The following ZFHX3 variants were observed in gnomAD, a reference collection of about 807,000 sequenced individuals.
ZFHX3 encodes zinc finger homeobox protein 3.
ZFHX3 carries 42 observed loss-of-function variants against 279.1 expected under a neutral mutation model. The observed-to-expected ratio is 0.15, with a 90% CI of 0.12 to 0.19. The LOEUF is 0.19. Among genes scored for constraint, ZFHX3 ranks in the 10% least tolerant of loss-of-function variants. The pLI is 1.00. For missense variants in ZFHX3, 4,981 were observed against 4,754.0 expected (o/e 1.05, Z -1.40); for synonymous variants, 2,293 against 1,957.8 (o/e 1.17, Z -4.52).
At chr16:73,621,235 C>G (rs958653188) in intron 2 of ZFHX3, among the ~76,000 whole-genome samples, 1 of 152,192 alleles carries the variant, frequency 6.6e-6, no homozygotes, top group African/African-American at 2.4e-5. Context: ...CCTTCCGCAG[C>G]GTTACCTACG....
chr16:73,161,097 C>T (rs1222102212), intron 5 of ZFHX3, among the ~76,000 whole-genome samples: 2 of 152,072 alleles, frequency 1.3e-5, no homozygotes, highest in African/African-American at 2.4e-5. Flanking sequence ...CTCAGCCTCC[C>T]GAGTAGCTGG....
In ZFHX3 at chr16:72,788,035, G is replaced by T. The variant is rs1202001465; in HGVS notation, c.10241C>A (p.Pro3414His). 6.2e-7 allele frequency: 1 copy of T among 1,613,038 alleles called. No individual in the cohort carries two copies. The change falls in exon 10 of 10, where the codon CCT becomes CAT. Residue 3414 changes from proline to histidine, a missense_variant. Around this residue, in one of 7 missense-constraint regions of ZFHX3, gnomAD observed 1,034 missense variants for 786.0 expected, o/e 1.32. Transcript: ENST00000268489. ...TTCTGGTTTGGGGGATTCTTTGGCA[G>T]GGTCTTTGTCTGGGGAAGGAGCCCC... The part of the protein sequence containing the change: ...PPGAPSPDKD[P>H]AKESPKPEEQ...
At chr16:73,409,279 T>C (rs7205540) in intron 3 of ZFHX3, among the ~76,000 whole-genome samples, 5,988 of 152,238 alleles carry the variant, frequency 0.039, 246 homozygotes, top group African/African-American at 0.1. Flanking sequence ...AGAAGAGATA[T>C]CCTGGCTGAG....
At chr16:73,427,002 C>T (rs191271154) in intron 3 of ZFHX3, among the ~76,000 whole-genome samples, 111 of 152,214 alleles carry the variant, frequency 7.3e-4, no homozygotes, top group Non-Finnish European at 1.2e-3. Context: ...GCTACCCTGA[C>T]GATGCCATTT....
chr16:73,114,019 A>G (rs1454019758), intron 7 of ZFHX3, among the ~76,000 whole-genome samples: 6 of 151,818 alleles, frequency 4.0e-5, no homozygotes, highest in African/African-American at 1.5e-4. Context: ...GATGGTCTCC[A>G]TCTCCTGACC....
At chr16:73,109,559 TTTTTTTGTTTAAAAATTTTCC>T (rs1168222372) in intron 7 of ZFHX3, among the ~76,000 whole-genome samples, 8 of 103,252 alleles carry the variant, frequency 7.7e-5, no homozygotes, top group Non-Finnish European at 1.8e-4. Flanking sequence ...CATTCCGTAT[TTTTTTTGTTTAAAAATTTTCC>T]GGTGCAGTGC....
chr16:73,289,085 T>C (rs2014704711), intron 4 of ZFHX3, among the ~76,000 whole-genome samples: 1 of 150,970 alleles, frequency 6.6e-6, no homozygotes, highest in Non-Finnish European at 1.5e-5. Flanking sequence ...AAGCAGAAAG[T>C]GTATGAACTG....
chr16:73,420,553 C>T (rs887810413), intron 3 of ZFHX3: 1 of 152,206 alleles, frequency 6.6e-6, no homozygotes, highest in East Asian at 1.9e-4. Flanking sequence ...AAACAAAGCG[C>T]ATATTGCCAA....
At chr16:73,580,133 C>T (rs1040043294) in intron 2 of ZFHX3, among the ~76,000 whole-genome samples, 9 of 151,464 alleles carry the variant, frequency 5.9e-5, no homozygotes, top group African/African-American at 2.2e-4. Flanking sequence ...AAATAGTGAT[C>T]ATATAATTTT....
At chr16:72,991,034 G>A (rs1963069542) in intron 1 of ZFHX3, among the ~76,000 whole-genome samples, 1 of 151,378 alleles carries the variant, frequency 6.6e-6, no homozygotes, top group Admixed American at 6.6e-5. Flanking sequence ...TGACAAAGAA[G>A]TCCTATACAC....
intron 7 of ZFHX3, among the ~76,000 whole-genome samples, chr16:72,802,587 G>C (rs1388614262): frequency 1.3e-5 from 2 of 152,138 alleles, no homozygotes; most frequent in South Asian, 2.1e-4. Flanking sequence ...ATGAAATTTT[G>C]ATGGGCAAGA....
chr16:72,875,436 C>G (rs1034977399), intron 4 of ZFHX3, among the ~76,000 whole-genome samples: 2 of 152,192 alleles, frequency 1.3e-5, no homozygotes, highest in African/African-American at 2.4e-5. Context: ...CCCCGGGAAT[C>G]CCTGAGGGAA....
chr16:73,859,132 G>T (rs1031757665), intron 1 of ZFHX3, among the ~76,000 whole-genome samples: 1 of 152,160 alleles, frequency 6.6e-6, no homozygotes, highest in Non-Finnish European at 1.5e-5. Context: ...TAGGATCAAA[G>T]CTTCCCTAAG....
chr16:73,519,190 A>G (rs950246567), intron 2 of ZFHX3, among the ~76,000 whole-genome samples: 1 of 152,168 alleles, frequency 6.6e-6, no homozygotes, highest in Admixed American at 6.5e-5. Flanking sequence ...ATGGTTATTT[A>G]TGACAAACAG....
chr16:73,632,763 G>A (rs373581607), intron 2 of ZFHX3, among the ~76,000 whole-genome samples: 26 of 151,782 alleles, frequency 1.7e-4, no homozygotes, highest in African/African-American at 5.8e-4. Flanking sequence ...AAAAGCAATG[G>A]ACGAAGTTAA....
At chr16:73,304,554 C>T (rs2015135658) in intron 4 of ZFHX3, among the ~76,000 whole-genome samples, 1 of 152,180 alleles carries the variant, frequency 6.6e-6, no homozygotes, top group Non-Finnish European at 1.5e-5. Flanking sequence ...CGCACATTAG[C>T]CTAAAATATG....
intron 1 of ZFHX3, among the ~76,000 whole-genome samples, chr16:73,714,949 G>A (rs1026085234): frequency 6.6e-6 from 1 of 152,114 alleles, no homozygotes; most frequent in South Asian, 2.1e-4. Context: ...TCATCTCCTC[G>A]GATAAAGTCC....
intron 1 of ZFHX3, among the ~76,000 whole-genome samples, chr16:73,873,172 GTGGTGGGTGGTGGTGGA>G (rs1474574184): frequency 1.2e-5 from 1 of 85,168 alleles, no homozygotes; most frequent in East Asian, 3.5e-4. Flanking sequence ...GTGGTGGTGG[GTGGTGGGTGGTGGTGGA>G]TGGTGGGTGG....
At chr16:73,515,945 G>T (rs571680194) in intron 2 of ZFHX3, among the ~76,000 whole-genome samples, 1 of 152,292 alleles carries the variant, frequency 6.6e-6, no homozygotes, top group Admixed American at 6.5e-5. Flanking sequence ...CAAACACATT[G>T]TTTCCATTGG....
Sources: allele counts gnomAD v4.1 joint callset (sites outside exome capture counted in the v4.1 genomes callset), GRCh38; gene constraint gnomAD v4.1.1; regional missense constraint gnomAD v4.1.1; transcripts MANE v1.5; gene names NCBI Gene and HGNC (gene_info 2026-07-23, HGNC 2026-07-21).